IL1RAPL2: variants seen among roughly 807,000 people sequenced by gnomAD.
IL1RAPL2 encodes the protein interleukin 1 receptor accessory protein like 2, also known as X-linked interleukin-1 receptor accessory protein-like 2.
A neutral mutation model predicts 44.1 loss-of-function variants in IL1RAPL2; 3 were observed. The observed-to-expected ratio is 0.07, with a 90% confidence interval of 0.03 to 0.18. The LOEUF (loss-of-function observed/expected upper bound fraction) is 0.18. Ranked by LOEUF, IL1RAPL2 falls within the 10% of genes least tolerant of loss-of-function variation. The pLI, the probability that IL1RAPL2 is intolerant of heterozygous loss-of-function variation, is 1.00. For missense variants in IL1RAPL2, 391 were observed against 496.4 expected (o/e 0.79, Z 2.02); for synonymous variants, 181 against 178.8 (o/e 1.01, Z -0.10).
chrX:104,904,442 T>A (rs1602800104), intron 2 of IL1RAPL2, among the ~76,000 whole-genome samples: 2 of 70,106 alleles, frequency 2.9e-5, no homozygotes, highest in Admixed American at 3.6e-4. Context: ...CCCAATGCTA[T>A]CCCTCCCCCC....
chrX:105,699,208 C>T (rs934630395), intron 6 of IL1RAPL2, among the ~76,000 whole-genome samples: 1 of 111,104 alleles, frequency 9.0e-6, no homozygotes, highest in African/African-American at 3.3e-5. Context: ...AGACAATCCC[C>T]CTTGACTTGT....
At chrX:104,746,746 A>G in intron 2 of IL1RAPL2, among the ~76,000 whole-genome samples, 1 of 111,642 alleles carries the variant, frequency 9.0e-6, no homozygotes, top group Non-Finnish European at 1.9e-5. Context: ...TTTGGGAATG[A>G]AAGCCCCATT....
chrX:105,075,561 T>A (rs2032282958), intron 2 of IL1RAPL2, among the ~76,000 whole-genome samples: 1 of 112,135 alleles, frequency 8.9e-6, no homozygotes, highest in African/African-American at 3.3e-5. Flanking sequence ...CCTCATAAAA[T>A]GAGTTAGGGA....
intron 1 of IL1RAPL2, among the ~76,000 whole-genome samples, chrX:104,623,505 G>A (rs182587539): frequency 2.7e-5 from 3 of 111,006 alleles, no homozygotes; most frequent in Admixed American, 9.7e-5. Flanking sequence ...CATGATGGGA[G>A]TATTCACACC....
At chrX:104,614,264 C>T (rs1929226226) in intron 1 of IL1RAPL2, among the ~76,000 whole-genome samples, 1 of 111,514 alleles carries the variant, frequency 9.0e-6, no homozygotes, top group Admixed American at 9.6e-5. Flanking sequence ...TCTAGTTCCT[C>T]TGGGTATGAT....
At chrX:104,809,702 T>G (rs774040759) in intron 2 of IL1RAPL2, among the ~76,000 whole-genome samples, 1 of 111,055 alleles carries the variant, frequency 9.0e-6, no homozygotes, top group African/African-American at 3.3e-5. Flanking sequence ...GATGGTAGTT[T>G]CTTTTGCTGT....
chrX:105,683,622 T>TA (rs915526883), intron 6 of IL1RAPL2, among the ~76,000 whole-genome samples: 16 of 108,974 alleles, frequency 1.5e-4, no homozygotes, highest in Middle Eastern at 4.9e-3. Flanking sequence ...AAAAACAGAA[T>TA]AAAAAAAAAC....
At chrX:105,095,131 C>T (rs2032589382) in intron 2 of IL1RAPL2, among the ~76,000 whole-genome samples, 2 of 110,847 alleles carry the variant, frequency 1.8e-5, no homozygotes, top group South Asian at 7.6e-4. Flanking sequence ...TTCTTTTTTT[C>T]CAATATGGAT....
chrX:105,455,804 T>C (rs1427188778), intron 5 of IL1RAPL2, among the ~76,000 whole-genome samples: 1 of 111,939 alleles, frequency 8.9e-6, no homozygotes, highest in Non-Finnish European at 1.9e-5. Flanking sequence ...GACTATTCAG[T>C]CTCTTTTTTG....
At chrX:104,631,365 G>T (rs1160863707) in intron 1 of IL1RAPL2, among the ~76,000 whole-genome samples, 1 of 111,767 alleles carries the variant, frequency 8.9e-6, no homozygotes, top group Non-Finnish European at 1.9e-5. Context: ...GTAATGGGAT[G>T]GCTGGGTCAA....
chrX:105,191,252 G>A (rs1261891882), intron 2 of IL1RAPL2, among the ~76,000 whole-genome samples: 1 of 112,777 alleles, frequency 8.9e-6, no homozygotes, highest in African/African-American at 3.2e-5. Context: ...GTCTCACTGT[G>A]ATGCCCAGGC....
intron 1 of IL1RAPL2, among the ~76,000 whole-genome samples, chrX:104,608,003 G>C (rs1051352182): frequency 8.9e-6 from 1 of 111,898 alleles, no homozygotes; most frequent in African/African-American, 3.3e-5. Context: ...TGATAGACTG[G>C]ATAAAGAAAA....
rs145333461 is a variant in IL1RAPL2 at position 104,678,086 on chromosome X, A to G, written c.82+19091A>G. On this transcript the variant is annotated intron_variant, in intron 2 of 10. Transcript: ENST00000372582. ...TTGCTCACGCTGACAGCTGTAGACCAGAGCTGTTCCTATTCGGCCATCTTG... is the reference window on the plus strand; with the variant it reads ...TTGCTCACGCTGACAGCTGTAGACCGGAGCTGTTCCTATTCGGCCATCTTG... 8.3e-3 allele frequency among the ~76,000 whole-genome samples: 936 copies of G among 112,818 alleles called. 8 individuals are homozygous for G. Among genetic ancestry groups the G allele is most frequent in the Non-Finnish European group, 0.013 (681 of 53,322 alleles).
At chrX:105,461,270 A>G (rs2036091011) in intron 5 of IL1RAPL2, among the ~76,000 whole-genome samples, 1 of 111,024 alleles carries the variant, frequency 9.0e-6, no homozygotes, top group Non-Finnish European at 1.9e-5. Context: ...AGTTGCCCTT[A>G]GTGCCTTCTA....
intron 2 of IL1RAPL2, among the ~76,000 whole-genome samples, chrX:104,690,220 C>T (rs766617829): frequency 1.8e-5 from 2 of 112,178 alleles, no homozygotes; most frequent in South Asian, 3.7e-4. Flanking sequence ...GGATAGCAAA[C>T]CTAATGCAAT....
At chrX:105,651,836 A>C (rs2037644509) in intron 6 of IL1RAPL2, among the ~76,000 whole-genome samples, 1 of 112,092 alleles carries the variant, frequency 8.9e-6, no homozygotes, top group South Asian at 3.7e-4. Context: ...CACGCTTTGC[A>C]CAGTATTTAG....
At chrX:105,218,881 C>T in intron 3 of IL1RAPL2, 2 of 899,160 alleles carry the variant, frequency 2.2e-6, no homozygotes, top group Non-Finnish European at 3.2e-6. Flanking sequence ...ACCACCCCGG[C>T]CCCCGCCACC....
At chrX:104,693,395 G>C (rs774608233) in intron 2 of IL1RAPL2, among the ~76,000 whole-genome samples, 9 of 111,597 alleles carry the variant, frequency 8.1e-5, no homozygotes, top group Admixed American at 9.6e-5. Context: ...CCACTTGAGG[G>C]ACCAATAGGT....
In IL1RAPL2 at chrX:105,484,304, C is replaced by T. The variant is rs376297335; in HGVS notation, c.698-9C>T. The T allele has an allele frequency of 4.9e-5, 58 of 1,174,294 alleles. No homozygotes were observed. The highest frequency in any genetic ancestry group is 6.4e-5 in the Non-Finnish European group (55 of 863,396). On this transcript the variant is annotated splice_polypyrimidine_tract_variant and intron_variant, in intron 5 of 10. Coordinates refer to ENST00000372582, the MANE Select transcript of IL1RAPL2 (RefSeq NM_017416.2). ...TTTTTCCATTACTTTCTTTCATTTTCTCTTCTAGCTTTACTCACAGACAAG... is the reference window on the plus strand; with the variant it reads ...TTTTTCCATTACTTTCTTTCATTTTTTCTTCTAGCTTTACTCACAGACAAG...
Sources: gnomAD v4.1 joint callset for allele counts (sites outside exome capture counted in the v4.1 genomes callset) on GRCh38, gnomAD v4.1.1 for gene constraint, MANE v1.5 for transcripts, NCBI Gene and HGNC (gene_info 2026-07-23, HGNC 2026-07-21) for gene names.